Variants in SORCS1 observed in about 807,000 individuals in gnomAD.
SORCS1 encodes VPS10 domain-containing receptor SorCS1.
Under a neutral mutation model 146.1 loss-of-function variants are expected in SORCS1, and 60 were observed. That is an observed-to-expected ratio of 0.41 (90% confidence interval 0.33 to 0.51). SORCS1 has a LOEUF of 0.51. Ranked by LOEUF, SORCS1 falls within the 20% of genes least tolerant of loss-of-function variation. SORCS1 has a pLI of 0.21. For synonymous variants in SORCS1, 637 were observed against 584.0 expected, an observed-to-expected ratio of 1.09 and a Z score of -1.31; for missense variants, 1,352 against 1,487.6, an observed-to-expected ratio of 0.91 and a Z score of 1.50.
intron 17 of SORCS1, among the ~76,000 whole-genome samples, chr10:106,665,918 A>C (rs1023779081): frequency 2.0e-5 from 3 of 152,026 alleles, no homozygotes; most frequent in Non-Finnish European, 4.4e-5. Flanking sequence ...AGCTCACTGT[A>C]AGCTCTGCCT....
intron 2 of SORCS1, among the ~76,000 whole-genome samples, chr10:106,894,569 G>T (rs1951390155): frequency 6.6e-6 from 1 of 152,088 alleles, no homozygotes; most frequent in Non-Finnish European, 1.5e-5. Context: ...CCATGGTAGA[G>T]TTATAAGTGC....
intron 1 of SORCS1, among the ~76,000 whole-genome samples, chr10:107,074,797 C>T (rs745538872): frequency 5.9e-5 from 9 of 152,110 alleles, no homozygotes; most frequent in Admixed American, 1.3e-4. Context: ...TAATGAAATA[C>T]GATGTGCAGC....
At chr10:106,830,288 A>C (rs2137014800) in intron 2 of SORCS1, among the ~76,000 whole-genome samples, 1 of 152,332 alleles carries the variant, frequency 6.6e-6, no homozygotes, top group East Asian at 1.9e-4. Context: ...AGAGCCTCTC[A>C]GCTTTAGCCA....
chr10:107,083,586 T>C (rs1042634646), intron 1 of SORCS1, among the ~76,000 whole-genome samples: 13 of 152,242 alleles, frequency 8.5e-5, no homozygotes, highest in Admixed American at 2.6e-4. Context: ...ATTAGTAGTT[T>C]GTGAACCCAA....
At chr10:107,163,597 C>T (rs1357870869) in intron 1 of SORCS1, among the ~76,000 whole-genome samples, 2 of 152,202 alleles carry the variant, frequency 1.3e-5, no homozygotes, top group African/African-American at 4.8e-5. Context: ...AAGGGAAAGT[C>T]ACTTGAGGGG....
rs115050988 is a variant in SORCS1, at chr10:106,899,555, T to C, written c.626+56958A>G. On this transcript the variant is annotated intron_variant, in intron 2 of 25. Coordinates refer to ENST00000263054, the MANE Select transcript of SORCS1 (RefSeq NM_052918.5). The stretch of plus-strand genomic sequence containing the variant: ...TCACTTACTTCCTTTTCATTCCACC[T>C]GTTTACTATTACTTAAATCCATCCT... 3.1e-3 allele frequency among the ~76,000 whole-genome samples: 471 copies of C among 151,458 alleles called. 3 individuals are homozygous for C. Among genetic ancestry groups the C allele is most frequent in the African/African-American group, 0.011 (443 of 41,326 alleles).
At chr10:106,590,779 C>T (rs537515549) in intron 24 of SORCS1, among the ~76,000 whole-genome samples, 17 of 152,254 alleles carry the variant, frequency 1.1e-4, no homozygotes, top group African/African-American at 3.9e-4. Context: ...CTCAGCCTCC[C>T]GAGTAGCTGG....
At chr10:106,975,101 G>T (rs1955938199) in intron 1 of SORCS1, among the ~76,000 whole-genome samples, 1 of 152,148 alleles carries the variant, frequency 6.6e-6, no homozygotes, top group Non-Finnish European at 1.5e-5. Flanking sequence ...CTCCCATTCT[G>T]TCAACTACTT....
chr10:106,981,560 A>G (rs1374695262), intron 1 of SORCS1, among the ~76,000 whole-genome samples: 2 of 152,188 alleles, frequency 1.3e-5, no homozygotes, highest in African/African-American at 2.4e-5. Flanking sequence ...TACAACCAAC[A>G]TTCTTTCAAA....
chr10:106,829,613 A>C lies in SORCS1; in HGVS notation c.687T>G (p.Ile229Met). The C allele has an allele frequency of 6.2e-7, 1 of 1,607,828 alleles. No individual in the cohort carries two copies. The highest frequency in any genetic ancestry group is 8.5e-7 in the Non-Finnish European group (1 of 1,175,084). The change falls in exon 3 of 26, where the codon ATT becomes ATG. Residue 229 changes from isoleucine to methionine, a missense_variant. This residue lies in a region of SORCS1 where 490 missense variants were observed against 489.1 expected (regional missense o/e 1.00). Coordinates refer to ENST00000263054, the MANE Select transcript of SORCS1 (RefSeq NM_052918.5). ...TAGGACACACATAGAGATAGCTCAA[A>C]ATGGTTTTCAAACCAACTTTATCAT... is the stretch of plus-strand genomic sequence containing the variant. ...KLNDKVGLKT[I>M]LSYLYVCPTN...
At chr10:107,062,627 T>C (rs566318116) in intron 1 of SORCS1, among the ~76,000 whole-genome samples, 2 of 152,246 alleles carry the variant, frequency 1.3e-5, no homozygotes, top group African/African-American at 2.4e-5. Context: ...AACTGGAAGT[T>C]AGCTGCTCAA....
At chr10:106,888,210 A>G (rs1022159254) in intron 2 of SORCS1, among the ~76,000 whole-genome samples, 2 of 152,136 alleles carry the variant, frequency 1.3e-5, no homozygotes, top group African/African-American at 4.8e-5. Flanking sequence ...AATGGAAAAG[A>G]AAAAAAAGTA....
intron 1 of SORCS1, among the ~76,000 whole-genome samples, chr10:107,075,179 G>A (rs565182840): frequency 9.9e-5 from 15 of 152,280 alleles, no homozygotes; most frequent in African/African-American, 3.6e-4. Context: ...AATTTTATAT[G>A]TTAAAATCGA....
At chr10:107,002,605 T>C (rs571269584) in intron 1 of SORCS1, among the ~76,000 whole-genome samples, 2 of 152,296 alleles carry the variant, frequency 1.3e-5, no homozygotes, top group Admixed American at 6.5e-5. Flanking sequence ...TTCCTGAATA[T>C]GCTATATTAC....
At chr10:106,801,759 T>C (rs1042728584) in intron 3 of SORCS1, among the ~76,000 whole-genome samples, 47 of 152,158 alleles carry the variant, frequency 3.1e-4, no homozygotes, top group African/African-American at 1.1e-3. Flanking sequence ...CTCGATCTCC[T>C]GACCTTGTGA....
At chr10:106,694,586 T>C (rs1366249134) in intron 9 of SORCS1, among the ~76,000 whole-genome samples, 1 of 152,170 alleles carries the variant, frequency 6.6e-6, no homozygotes, top group African/African-American at 2.4e-5. Context: ...GTATCTTCAA[T>C]AGGACAGCAT....
At chr10:106,606,477 C>T (rs1163319247) in intron 23 of SORCS1, among the ~76,000 whole-genome samples, 3 of 152,160 alleles carry the variant, frequency 2.0e-5, no homozygotes, top group Non-Finnish European at 4.4e-5. Flanking sequence ...AAAAGATATG[C>T]ATGTCATGTC....
intron 24 of SORCS1, among the ~76,000 whole-genome samples, chr10:106,581,536 G>C (rs1164082975): frequency 1.3e-5 from 2 of 151,936 alleles, no homozygotes; most frequent in Non-Finnish European, 2.9e-5. Flanking sequence ...TGGAAGACAG[G>C]TATGTGTATA....
chr10:106,724,280 G>A (rs889148700), intron 6 of SORCS1, among the ~76,000 whole-genome samples: 11 of 152,052 alleles, frequency 7.2e-5, no homozygotes, highest in African/African-American at 2.7e-4. Context: ...AGGCCGAGGC[G>A]GGCGGATCTC....
Sources: gnomAD v4.1 joint callset for allele counts (sites outside exome capture counted in the v4.1 genomes callset) on GRCh38, gnomAD v4.1.1 for gene constraint, gnomAD v4.1.1 regional missense constraint, MANE v1.5 for transcripts, NCBI Gene and HGNC (gene_info 2026-07-23, HGNC 2026-07-21) for gene names.